DPH6: variants seen among roughly 807,000 people sequenced by gnomAD.
DPH6 encodes the protein diphthamine biosynthesis 6, also known as diphthine--ammonia ligase.
Under a neutral mutation model 38.2 loss-of-function variants are expected in DPH6, and 33 were observed. The ratio of observed to expected loss-of-function variants is 0.86; its 90% CI spans 0.65 to 1.15. The LOEUF is 1.15. DPH6 is among the 50% of genes most tolerant of loss of function. DPH6 has a pLI of 0.00. For synonymous variants in DPH6, 108 were observed against 103.0 expected (o/e 1.05, Z -0.30); for missense variants, 325 against 320.0 (o/e 1.02, Z -0.12).
intron 3 of DPH6, among the ~76,000 whole-genome samples, chr15:35,342,396 C>T (rs2052428758): frequency 6.6e-6 from 1 of 152,360 alleles, no homozygotes; most frequent in African/African-American, 2.4e-5. Flanking sequence ...TCACTCACTG[C>T]TTCCCTTGGC....
At chr15:35,505,540 A>G (rs2066841183) in intron 3 of DPH6, among the ~76,000 whole-genome samples, 1 of 152,070 alleles carries the variant, frequency 6.6e-6, no homozygotes, top group African/African-American at 2.4e-5. Context: ...AACTCCTCAT[A>G]TCAACATTCT....
At chr15:35,328,824 G>T (rs1174116944), downstream of DPH6, among the ~76,000 whole-genome samples, 1 of 152,158 alleles carries the variant, frequency 6.6e-6, no homozygotes, top group Non-Finnish European at 1.5e-5. Flanking sequence ...AAAGAAAGAG[G>T]TTTAATTGGA....
intron 5 of DPH6, among the ~76,000 whole-genome samples, chr15:35,428,241 T>C (rs1213259946): frequency 6.6e-6 from 1 of 152,060 alleles, no homozygotes; most frequent in Non-Finnish European, 1.5e-5. Context: ...TACTATATGC[T>C]TATCCAATAG....
At chr15:35,343,387 CCAATG>C (rs2052437192) in intron 3 of DPH6, among the ~76,000 whole-genome samples, 1 of 152,062 alleles carries the variant, frequency 6.6e-6, no homozygotes, top group Admixed American at 6.5e-5. Context: ...TCCACATTCA[CCAATG>C]AGTTATCTCT....
At chr15:35,416,232 T>G (rs1049933699) in intron 5 of DPH6, among the ~76,000 whole-genome samples, 6 of 152,164 alleles carry the variant, frequency 3.9e-5, no homozygotes, top group East Asian at 1.9e-4. Flanking sequence ...GCAGGTTGAA[T>G]AAGCTTGTTT....
chr15:35,481,991 G>T (rs1425468935), intron 3 of DPH6, among the ~76,000 whole-genome samples: 1 of 152,174 alleles, frequency 6.6e-6, no homozygotes, highest in East Asian at 1.9e-4. Context: ...ACCAAATTAA[G>T]AAGTTATTAA....
chr15:35,223,631 A>G (rs2051457827), intron 3 of DPH6, among the ~76,000 whole-genome samples: 1 of 152,086 alleles, frequency 6.6e-6, no homozygotes, highest in African/African-American at 2.4e-5. Context: ...GCTTGCAGTG[A>G]GCGGAGATCG....
chr15:35,374,013 A>G (rs547138661), intron 7 of DPH6, among the ~76,000 whole-genome samples: 17 of 152,156 alleles, frequency 1.1e-4, no homozygotes, highest in African/African-American at 3.9e-4. Context: ...TGTTTCACAC[A>G]AAATCTCAAT....
intron 3 of DPH6, among the ~76,000 whole-genome samples, chr15:35,245,132 CT>C: frequency 6.6e-6 from 1 of 151,360 alleles, no homozygotes; most frequent in South Asian, 2.1e-4. Flanking sequence ...ATACAAGAAT[CT>C]ATCAATCATT....
At chr15:35,245,284 G>A (rs1321860568) in intron 3 of DPH6, among the ~76,000 whole-genome samples, 1 of 134,680 alleles carries the variant, frequency 7.4e-6, no homozygotes, top group African/African-American at 2.7e-5. Flanking sequence ...TCTCGCCCAG[G>A]CTGGAGTGCA....
intron 6 of DPH6, among the ~76,000 whole-genome samples, chr15:35,406,205 T>C (rs1182654832): frequency 6.6e-6 from 1 of 151,890 alleles, no homozygotes; most frequent in Non-Finnish European, 1.5e-5. Context: ...GACAAAGGGA[T>C]AATGCATGCA....
chr15:35,194,401 G>GAGAGAGAT, the DPH6 span, among the ~76,000 whole-genome samples: 4 of 149,780 alleles, frequency 2.7e-5, no homozygotes, highest in African/African-American at 9.8e-5. Context: ...GAGAGATAGA[G>GAGAGAGAT]AGAGAGAGAG....
rs1417732927 is a variant in DPH6, at chr15:35,410,852, C to G, written c.550G>C (p.Glu184Gln). 1.9e-6 allele frequency: 3 copies of G among 1,603,002 alleles called. No individual in the cohort carries two copies. The highest frequency in any genetic ancestry group is 2.6e-6 in the Non-Finnish European group (3 of 1,174,626). ...KHLGKTLDQM[E>Q]PYLIELSKKY... ...ATTCTTACCTCTATGAGATAAGGCTCCATTTGATCCAGGGTTTTCCCAAGA... is the reference window on the plus strand; with the variant it reads ...ATTCTTACCTCTATGAGATAAGGCTGCATTTGATCCAGGGTTTTCCCAAGA... Residue 184 changes from glutamate (E) to glutamine (Q), a missense_variant, in exon 6 of 9, where the codon GAG (glutamate) becomes CAG (glutamine). Transcript: ENST00000256538.
At chr15:35,388,190 G>A (rs1363500750) in intron 6 of DPH6, among the ~76,000 whole-genome samples, 1 of 152,154 alleles carries the variant, frequency 6.6e-6, no homozygotes, top group African/African-American at 2.4e-5. Flanking sequence ...CAGGGATGAA[G>A]CCCACTTGAT....
chr15:35,476,620 A>C (rs2054267042), intron 3 of DPH6, among the ~76,000 whole-genome samples: 2 of 151,806 alleles, frequency 1.3e-5, no homozygotes, highest in Non-Finnish European at 3.0e-5. Context: ...GTCAATGTAC[A>C]GAAGAAAAAA....
chr15:35,532,551 G>C (rs539682383), intron 3 of DPH6, among the ~76,000 whole-genome samples: 2 of 152,282 alleles, frequency 1.3e-5, no homozygotes, highest in African/African-American at 4.8e-5. Context: ...TGACTTAGAT[G>C]ATGAGGTAAA....
At chr15:35,464,188 G>T (rs2054099434) in intron 3 of DPH6, among the ~76,000 whole-genome samples, 1 of 152,004 alleles carries the variant, frequency 6.6e-6, no homozygotes, top group Non-Finnish European at 1.5e-5. Context: ...CAGCTACTTG[G>T]GAGGCTGAGG....
intron 3 of DPH6, among the ~76,000 whole-genome samples, chr15:35,301,428 T>G (rs1464773440): frequency 6.6e-6 from 1 of 152,198 alleles, no homozygotes; most frequent in Non-Finnish European, 1.5e-5. Context: ...AAAGAAAAAT[T>G]AGGAATTCTG....
chr15:35,196,487 TG>T, the DPH6 span, among the ~76,000 whole-genome samples: 2,155 of 152,218 alleles, frequency 0.014, 46 homozygotes, highest in African/African-American at 0.049. Context: ...GCGGGCTGTG[TG>T]GTAAGTATGC....
Sources: allele counts gnomAD v4.1 joint callset (sites outside exome capture counted in the v4.1 genomes callset), GRCh38; gene constraint gnomAD v4.1.1; transcripts MANE v1.5; gene names NCBI Gene and HGNC (gene_info 2026-07-23, HGNC 2026-07-21).